The following TRIM69 variants were observed in gnomAD, a reference collection of about 807,000 sequenced individuals.
The protein encoded by TRIM69 is tripartite motif containing 69, also known as E3 ubiquitin-protein ligase TRIM69.
A neutral mutation model predicts 37.7 loss-of-function variants in TRIM69; 29 were observed. The observed-to-expected ratio is 0.77, with a 90% CI of 0.57 to 1.05. TRIM69 has a LOEUF of 1.05. TRIM69 is among the 50% of genes least tolerant of loss of function. TRIM69 has a pLI of 0.00. For missense variants in TRIM69, 596 were observed against 579.9 expected (o/e 1.03, Z -0.28); for synonymous variants, 209 against 212.4 (o/e 0.98, Z 0.14).
chr15:44,749,533 G>A (rs1003733969), intron 1 of TRIM69, among the ~76,000 whole-genome samples: 11 of 152,148 alleles, frequency 7.2e-5, no homozygotes, highest in African/African-American at 2.7e-4. Context: ...TGTTTTTGAG[G>A]TTCATCCATG....
chr15:44,764,938 C>T (rs2087854652), intron 6 of TRIM69, among the ~76,000 whole-genome samples: 1 of 152,146 alleles, frequency 6.6e-6, no homozygotes, highest in Non-Finnish European at 1.5e-5. Flanking sequence ...GTAGGTAAAT[C>T]ATGTGGCTCT....
intron 1 of TRIM69, among the ~76,000 whole-genome samples, chr15:44,751,481 T>C (rs929143112): frequency 2.0e-5 from 3 of 152,102 alleles, no homozygotes; most frequent in Admixed American, 1.3e-4. Context: ...CCCAGGCTGG[T>C]CTCAAACTCC....
chr15:44,756,749 G>A, intron 3 of TRIM69: 1 of 229,136 alleles, frequency 4.4e-6, no homozygotes, highest in East Asian at 6.0e-5. Flanking sequence ...CTGGTCTTTG[G>A]CTTTATCTAT....
Position 44,736,621 on chromosome 15 carries a change from C to G in TRIM69, c.-84C>G. 6.5e-7 allele frequency: 1 copy of G among 1,548,176 alleles called. No individual in the cohort carries two copies. The highest frequency in any genetic ancestry group is 8.8e-7 in the Non-Finnish European group (1 of 1,140,150). On this transcript the variant is annotated 5_prime_UTR_variant, in exon 1 of 7. Transcript: ENST00000329464. ...CCCATTCCTTGAAAACTAAAAGGTC[C>G]CTGACTCCCAGTCTGCAGCCATCCT...
At chr15:44,750,998 C>T (rs1486630366) in intron 1 of TRIM69, among the ~76,000 whole-genome samples, 1 of 135,434 alleles carries the variant, frequency 7.4e-6, no homozygotes, top group Non-Finnish European at 1.5e-5. Context: ...CTCTGCTGCC[C>T]AGGCTACAGT....
At chr15:44,767,186 A>G (rs777537560) in intron 6 of TRIM69, 45 bp from the exon 7 acceptor site, 1 of 1,510,894 alleles carries the variant, frequency 6.6e-7, no homozygotes, top group South Asian at 1.2e-5. Flanking sequence ...ATTTGTGTTT[A>G]CCCCCCTTTC....
At chr15:44,738,094 T>A (rs1212938311) in intron 1 of TRIM69, among the ~76,000 whole-genome samples, 1 of 147,576 alleles carries the variant, frequency 6.8e-6, no homozygotes, top group African/African-American at 2.5e-5. Flanking sequence ...AGTCTCACTC[T>A]CTTGCTCAGG....
chr15:44,757,289 C>T (rs1361104972), intron 3 of TRIM69: 2 of 152,006 alleles, frequency 1.3e-5, no homozygotes, highest in African/African-American at 4.8e-5. Context: ...TAAATAATCC[C>T]ATGAGTAATA....
chr15:44,736,531 C>G lies in TRIM69; in HGVS notation c.-174C>G. 2 of 584,160 alleles carry G rather than the reference C, an allele frequency of 3.4e-6. No homozygotes were observed. Among genetic ancestry groups the G allele is most frequent in the Admixed American group, 3.7e-5 (1 of 27,010 alleles). 36.2% of individuals were successfully genotyped at this position (584,160 alleles called of 1,614,324 possible). A position where few individuals can be genotyped will look rare whatever the true frequency, so the allele number is the denominator to read the frequency against. Reference sequence around the variant, plus strand: ...ACAAACTGTCACGGAATCTGCCAGACCTCACTCTGGCCTTGCTGCTTCTCT... The same window carrying G: ...ACAAACTGTCACGGAATCTGCCAGAGCTCACTCTGGCCTTGCTGCTTCTCT... On this transcript the variant is annotated 5_prime_UTR_variant, in exon 1 of 7. Transcript: ENST00000329464.
chr15:44,767,399 A>G lies in TRIM69; in HGVS notation c.1130A>G (p.Lys377Arg), dbSNP rs2087920457. 2.5e-6 allele frequency: 4 copies of G among 1,614,066 alleles called. No individual in the cohort carries two copies. Among genetic ancestry groups the G allele is most frequent in the African/African-American group, 2.7e-5 (2 of 74,928 alleles). Reference sequence around the variant, plus strand: ...GGCTCAAGAGGCTTCACCTCTGGAAAGTGGTACTGGGAAGTAGAAGTAGCA... The same window carrying G: ...GGCTCAAGAGGCTTCACCTCTGGAAGGTGGTACTGGGAAGTAGAAGTAGCA... ...VLGSRGFTSG[K>R]WYWEVEVAKK... The change falls in exon 7 of 7, where the codon AAG (lysine) becomes AGG (arginine). Residue 377 changes from lysine to arginine, a missense_variant. Lys to Arg is a conservative substitution (Grantham distance 26, BLOSUM62 2). Coordinates refer to ENST00000329464, the MANE Select transcript of TRIM69 (RefSeq NM_182985.5).
chr15:44,752,693 C>T (rs1216724015), intron 1 of TRIM69, among the ~76,000 whole-genome samples: 4 of 152,090 alleles, frequency 2.6e-5, no homozygotes, highest in African/African-American at 9.7e-5. Flanking sequence ...TTCTAAATTC[C>T]TTCATTACTT....
chr15:44,751,999 C>G (rs187516740), intron 1 of TRIM69, among the ~76,000 whole-genome samples: 387 of 152,140 alleles, frequency 2.5e-3, no homozygotes, highest in African/African-American at 7.7e-3. Flanking sequence ...AAGTGATTGG[C>G]CTGCCTCAGC....
rs771777484 is a variant in TRIM69, at chr15:44,767,317, A to G, written c.1048A>G (p.Ile350Val). The change falls in exon 7 of 7, where the codon ATT becomes GTT. Residue 350 changes from isoleucine to valine, a missense_variant. Ile to Val is a conservative substitution (Grantham distance 29, BLOSUM62 3). Transcript: ENST00000329464. ...KSQTSVWHGD[I>V]KKIMPDDPER... ...CCAAACCAGCGTCTGGCATGGTGAC[A>G]TTAAGAAGATAATGCCTGATGATCC... 1.9e-6 allele frequency: 3 copies of G among 1,614,138 alleles called. No homozygotes were observed. The East Asian group carries it at 6.7e-5, about 36-fold the overall frequency.
chr15:44,739,246 C>A (rs1295913483), intron 1 of TRIM69, among the ~76,000 whole-genome samples: 2 of 152,314 alleles, frequency 1.3e-5, no homozygotes, highest in South Asian at 2.1e-4. Flanking sequence ...ACGGAGGGGG[C>A]AGCCAAGATG....
In TRIM69 at chr15:44,759,854, C is replaced by A. The variant is rs145552604; in HGVS notation, c.943C>A (p.Gln315Lys). The A allele has an allele frequency of 2.2e-4, 347 of 1,613,174 alleles. No homozygotes were observed. Among genetic ancestry groups the A allele is most frequent in the Non-Finnish European group, 2.6e-4 (311 of 1,179,340 alleles). ...CCAGTACATGGTATGGAGGGAAATG[C>A]AGGACACTCTCTGCCCAGGTATCAG... ...PIQYMVWREM[Q>K]DTLCPGLSPL... Residue 315 changes from glutamine to lysine, a missense_variant, in exon 6 of 7, where the codon CAG (glutamine) becomes AAG (lysine). Physicochemically the swap from Gln to Lys is moderately conservative, Grantham distance 53. Coordinates refer to ENST00000329464, the MANE Select transcript of TRIM69 (RefSeq NM_182985.5).
intron 3 of TRIM69, chr15:44,758,296 T>C (rs1172054225): frequency 1.1e-5 from 4 of 353,170 alleles, no homozygotes; most frequent in Non-Finnish European, 2.1e-5. Flanking sequence ...GGATTACCAA[T>C]CTAGGAGGGT....
chr15:44,742,269 G>C (rs1173017193), intron 1 of TRIM69, among the ~76,000 whole-genome samples: 133 of 148,680 alleles, frequency 8.9e-4, no homozygotes, highest in Admixed American at 1.3e-3. Flanking sequence ...ATTCAACAAC[G>C]CTTCATGCTA....
chr15:44,739,518 T>C (rs2087234622), intron 1 of TRIM69, among the ~76,000 whole-genome samples: 1 of 152,198 alleles, frequency 6.6e-6, no homozygotes, highest in Non-Finnish European at 1.5e-5. Context: ...ATTGGGTCAC[T>C]CCCACCCTAA....
At chr15:44,765,702 C>A (rs376201902) in intron 6 of TRIM69, among the ~76,000 whole-genome samples, 1 of 151,624 alleles carries the variant, frequency 6.6e-6, no homozygotes, top group South Asian at 2.1e-4. Flanking sequence ...TGCAGTGAGC[C>A]GAGGTTGTGC....
Sources: gnomAD v4.1 joint callset for allele counts (sites outside exome capture counted in the v4.1 genomes callset) on GRCh38, gnomAD v4.1.1 for gene constraint, MANE v1.5 for transcripts, NCBI Gene and HGNC (gene_info 2026-07-23, HGNC 2026-07-21) for gene names.